Variants in NTNG1 observed in about 807,000 individuals in gnomAD.
NTNG1 encodes the protein netrin-G1.
In NTNG1, 16 loss-of-function variants were observed where a neutral mutation model predicts 54.0. That is an observed-to-expected ratio of 0.30 (90% CI 0.20 to 0.45). The LOEUF (loss-of-function observed/expected upper bound fraction) is 0.45. NTNG1 is among the 20% of genes least tolerant of loss of function. The pLI is 1.00. For synonymous variants in NTNG1, 255 were observed against 263.1 expected (o/e 0.97, Z 0.30); for missense variants, 530 against 678.7 (o/e 0.78, Z 2.43).
intron 3 of NTNG1, among the ~76,000 whole-genome samples, chr1:107,389,474 G>A (rs1570840770): frequency 2.6e-5 from 4 of 152,184 alleles, no homozygotes; most frequent in African/African-American, 9.7e-5. Context: ...CTACTGGCAG[G>A]TGGCACAGAA....
At chr1:107,188,153 T>A (rs1354468626) in intron 2 of NTNG1, among the ~76,000 whole-genome samples, 3 of 152,150 alleles carry the variant, frequency 2.0e-5, no homozygotes, top group African/African-American at 4.8e-5. Flanking sequence ...ATTTTTTTTT[T>A]AAATCAACAG....
In NTNG1 at chr1:107,281,062, T is replaced by G. The variant is rs377535683; in HGVS notation, c.247-43220T>G. On this transcript the variant is annotated intron_variant, in intron 2 of 7. Transcript: ENST00000370068. ...CCCTCCAGCCAAGAGCCTGCAGCCT[T>G]TCAGGTTTCTAACCTTCTTACCTTC... Among the ~76,000 whole-genome samples the G allele has an allele frequency of 5.3e-5, 8 of 152,028 alleles. No individual in the cohort carries two copies. The East Asian group carries it at 1.3e-3, about 26-fold the overall frequency.
At chr1:107,426,396 G>A (rs779938857) in intron 5 of NTNG1, among the ~76,000 whole-genome samples, 8 of 152,006 alleles carry the variant, frequency 5.3e-5, no homozygotes, top group Non-Finnish European at 1.0e-4. Flanking sequence ...TTGCGAGCCA[G>A]TTTTCTCAGC....
chr1:107,221,356 C>A (rs965470855), intron 2 of NTNG1, among the ~76,000 whole-genome samples: 1 of 152,144 alleles, frequency 6.6e-6, no homozygotes, highest in African/African-American at 2.4e-5. Flanking sequence ...TAAAAAGAAA[C>A]AAGCAAACAC....
chr1:107,445,794 A>G (rs1676272672), intron 7 of NTNG1, among the ~76,000 whole-genome samples: 1 of 152,274 alleles, frequency 6.6e-6, no homozygotes, highest in Non-Finnish European at 1.5e-5. Context: ...TTGTACTGCC[A>G]TAGACAACGC....
chr1:107,290,977 A>AT (rs1665558141), intron 2 of NTNG1, among the ~76,000 whole-genome samples: 5 of 147,142 alleles, frequency 3.4e-5, no homozygotes, highest in African/African-American at 1.3e-4. Flanking sequence ...ATATATATAT[A>AT]TATATATACA....
At chr1:107,448,996 G>C (rs1676465982) in intron 7 of NTNG1, among the ~76,000 whole-genome samples, 7 of 152,060 alleles carry the variant, frequency 4.6e-5, no homozygotes, top group Admixed American at 4.6e-4. Flanking sequence ...ACATGAAAGA[G>C]AACATAAAAT....
At chr1:107,439,449 C>T (rs1361655212) in intron 7 of NTNG1, among the ~76,000 whole-genome samples, 1 of 151,862 alleles carries the variant, frequency 6.6e-6, no homozygotes, top group Non-Finnish European at 1.5e-5. Flanking sequence ...GATATGTGAT[C>T]CATCATATGG....
intron 3 of NTNG1, among the ~76,000 whole-genome samples, chr1:107,388,892 C>T (rs1383453192): frequency 2.6e-5 from 4 of 152,212 alleles, no homozygotes; most frequent in Non-Finnish European, 5.9e-5. Context: ...TATAATGTAT[C>T]ACTCTTTTAA....
chr1:107,248,583 G>T (rs1196342033), intron 2 of NTNG1, among the ~76,000 whole-genome samples: 1 of 152,084 alleles, frequency 6.6e-6, no homozygotes, highest in East Asian at 1.9e-4. Flanking sequence ...ATTGCTTTTG[G>T]CCACCAAGTA....
intron 2 of NTNG1, among the ~76,000 whole-genome samples, chr1:107,288,893 G>A (rs1376506711): frequency 1.3e-5 from 2 of 152,032 alleles, no homozygotes; most frequent in African/African-American, 4.8e-5. Flanking sequence ...CTTCTTTCTA[G>A]TTTCTCAGTT....
At chr1:107,448,313 A>AGCCATTTATAGTCTT (rs1676422607) in intron 7 of NTNG1, among the ~76,000 whole-genome samples, 2 of 152,124 alleles carry the variant, frequency 1.3e-5, no homozygotes, top group Non-Finnish European at 2.9e-5. Flanking sequence ...CACTATGCCA[A>AGCCATTTATAGTCTT]GCCATTTATA....
chr1:107,439,897 C>T (rs747133376), intron 7 of NTNG1, among the ~76,000 whole-genome samples: 43 of 151,810 alleles, frequency 2.8e-4, no homozygotes, highest in Non-Finnish European at 5.4e-4. Flanking sequence ...TGCTCCTGTC[C>T]TCACACACAT....
intron 3 of NTNG1, among the ~76,000 whole-genome samples, chr1:107,340,900 A>C (rs1041270883): frequency 2.6e-5 from 4 of 152,066 alleles, no homozygotes; most frequent in Non-Finnish European, 5.9e-5. Flanking sequence ...AGTTATTTTC[A>C]AGTTTATTAA....
At chr1:107,467,077 A>G (rs1677651374) in intron 7 of NTNG1, among the ~76,000 whole-genome samples, 1 of 152,168 alleles carries the variant, frequency 6.6e-6, no homozygotes, top group African/African-American at 2.4e-5. Flanking sequence ...GTTGCACAGA[A>G]TTACTTAATG....
chr1:107,343,033 C>T (rs1668994820), intron 3 of NTNG1, among the ~76,000 whole-genome samples: 1 of 152,082 alleles, frequency 6.6e-6, no homozygotes, highest in East Asian at 1.9e-4. Flanking sequence ...CTGTAATCTA[C>T]AATACTGTAT....
chr1:107,376,857 C>A lies in NTNG1; in HGVS notation c.888-18297C>A, dbSNP rs577648156. On this transcript the variant is annotated intron_variant, in intron 3 of 7. Transcript: ENST00000370068. Reference sequence around the variant, plus strand: ...CATGCAAGTGTCCCGTCTTCCCCTACTGTTTATGTTCACAGCTCTGTTCCT... The same window carrying A: ...CATGCAAGTGTCCCGTCTTCCCCTAATGTTTATGTTCACAGCTCTGTTCCT... Among the ~76,000 whole-genome samples, 10 of 152,318 alleles carry A rather than the reference C, an allele frequency of 6.6e-5. No homozygotes were observed. The South Asian group carries it at 1.7e-3, about 25-fold the overall frequency.
chr1:107,192,473 C>T (rs1658032551), intron 2 of NTNG1, among the ~76,000 whole-genome samples: 1 of 152,026 alleles, frequency 6.6e-6, no homozygotes, highest in Non-Finnish European at 1.5e-5. Context: ...CTCAAAACCT[C>T]TTGGCCCCAC....
intron 5 of NTNG1, among the ~76,000 whole-genome samples, chr1:107,413,769 A>C (rs1674003147): frequency 6.6e-6 from 1 of 152,190 alleles, no homozygotes; most frequent in Admixed American, 6.5e-5. Context: ...TCTTAAATGA[A>C]TTCCCTAAAG....
Sources: allele counts gnomAD v4.1 joint callset (sites outside exome capture counted in the v4.1 genomes callset), GRCh38; gene constraint gnomAD v4.1.1; transcripts MANE v1.5; gene names NCBI Gene and HGNC (gene_info 2026-07-23, HGNC 2026-07-21).